The following PCCA variants were observed in gnomAD, a reference collection of about 807,000 sequenced individuals.
PCCA encodes propionyl-CoA carboxylase subunit alpha.
Under a neutral mutation model 101.3 loss-of-function variants are expected in PCCA, and 74 were observed. That is an observed-to-expected ratio of 0.73 (90% CI 0.61 to 0.89). PCCA has a LOEUF of 0.89. PCCA is among the 40% of genes least tolerant of loss of function. The pLI, the probability that PCCA is intolerant of heterozygous loss-of-function variation, is 0.00. For missense variants in PCCA, 891 were observed against 907.0 expected (o/e 0.98, Z 0.23); for synonymous variants, 294 against 313.6 (o/e 0.94, Z 0.66).
chr13:100,403,440 G>A (rs1165817930), intron 19 of PCCA, among the ~76,000 whole-genome samples: 2 of 152,278 alleles, frequency 1.3e-5, no homozygotes, highest in East Asian at 3.9e-4. Flanking sequence ...CTGCTTCTGG[G>A]GAGGTCTCAG....
rs151168198 is a variant in PCCA, at chr13:100,132,169, T to C, written c.300+20108T>C. The stretch of plus-strand genomic sequence containing the variant: ...GTTTGTTTTTTAAATTTTTAAAAAT[T>C]ATCCTATAGTAATAGGATACCCATC... On this transcript the variant is annotated intron_variant, in intron 4 of 23. Transcript: ENST00000376285. Among the ~76,000 whole-genome samples the C allele has an allele frequency of 5.3e-3, 786 of 148,338 alleles. 4 individuals carry two copies. Among genetic ancestry groups the C allele is most frequent in the African/African-American group, 0.019 (759 of 39,950 alleles).
At chr13:100,305,705 T>C (rs2066389781) in intron 14 of PCCA, 1 of 322,694 alleles carries the variant, frequency 3.1e-6, no homozygotes, top group Non-Finnish European at 6.3e-6. Flanking sequence ...AAAAGGTAGA[T>C]TGTGATTTTA....
chr13:100,209,514 T>C, intron 7 of PCCA, 51 bp downstream of exon 7: 1 of 1,511,562 alleles, frequency 6.6e-7, no homozygotes, highest in Non-Finnish European at 9.2e-7. Context: ...TTAAACATTT[T>C]GTCAAAAGTA....
At chr13:100,201,151 A>G (rs1048464593) in intron 6 of PCCA, among the ~76,000 whole-genome samples, 2 of 152,228 alleles carry the variant, frequency 1.3e-5, no homozygotes, top group Non-Finnish European at 2.9e-5. Flanking sequence ...AAGTTGTACT[A>G]TATCTATATT....
chr13:100,298,420 CT>C (rs1286948675), intron 12 of PCCA, among the ~76,000 whole-genome samples: 2 of 152,094 alleles, frequency 1.3e-5, no homozygotes, highest in Non-Finnish European at 2.9e-5. Context: ...ACACAGAAAC[CT>C]TTTCCCCCCA....
rs1595156115 is a variant in PCCA at position 100,292,965 on chromosome 13, T to TC, written c.1066-8495_1066-8494insC. On this transcript the variant is annotated intron_variant, in intron 12 of 23. Transcript: ENST00000376285. ...TGTGTGTGTGTGTGTGTGTGTCTGT[T>TC]TGTGTGTGTGTAATTAATAATTTCC... 2.1e-4 allele frequency among the ~76,000 whole-genome samples: 11 copies of TC among 53,328 alleles called. No homozygotes were observed. In the South Asian group the frequency reaches 4.4e-3, roughly 21 times the overall value. 35.0% of individuals were successfully genotyped at this position (53,328 alleles called of 152,430 possible).
chr13:100,459,488 C>T (rs749212895), intron 21 of PCCA, among the ~76,000 whole-genome samples: 13 of 152,156 alleles, frequency 8.5e-5, no homozygotes, highest in Non-Finnish European at 1.9e-4. Context: ...GACTGCAGTT[C>T]GTACCCCATA....
intron 21 of PCCA, among the ~76,000 whole-genome samples, chr13:100,494,191 A>T (rs1395989013): frequency 6.6e-6 from 1 of 151,970 alleles, no homozygotes; most frequent in African/African-American, 2.4e-5. Flanking sequence ...TGTCTCAAAA[A>T]ATAAATAAAT....
intron 19 of PCCA, among the ~76,000 whole-genome samples, chr13:100,413,780 A>G (rs570976273): frequency 6.6e-6 from 1 of 152,330 alleles, no homozygotes; most frequent in South Asian, 2.1e-4. Flanking sequence ...TACTGCATAG[A>G]AACACAGGAT....
intron 20 of PCCA, among the ~76,000 whole-genome samples, chr13:100,440,757 ACT>A (rs2080312572): frequency 6.6e-6 from 1 of 151,936 alleles, no homozygotes; most frequent in South Asian, 2.1e-4. Context: ...GTGACATGAC[ACT>A]CTCAGGATAT....
chr13:100,434,880 C>G (rs369034079), intron 20 of PCCA, among the ~76,000 whole-genome samples: 1 of 152,180 alleles, frequency 6.6e-6, no homozygotes, highest in East Asian at 1.9e-4. Flanking sequence ...CTTAAGAATT[C>G]GACCTCCTCA....
intron 7 of PCCA, among the ~76,000 whole-genome samples, chr13:100,212,875 C>T (rs2059301002): frequency 6.6e-6 from 1 of 151,844 alleles, no homozygotes; most frequent in African/African-American, 2.4e-5. Context: ...TCACCCACCC[C>T]CACTCCTCCC....
chr13:100,163,790 A>T (rs2054739430), intron 6 of PCCA, among the ~76,000 whole-genome samples: 1 of 152,042 alleles, frequency 6.6e-6, no homozygotes, highest in Non-Finnish European at 1.5e-5. Context: ...GTTTTCTCTC[A>T]GTCTCCCCTT....
intron 18 of PCCA, among the ~76,000 whole-genome samples, chr13:100,350,277 T>C (rs978218514): frequency 1.3e-5 from 2 of 152,148 alleles, no homozygotes; most frequent in African/African-American, 4.8e-5. Context: ...TCATAACTCG[T>C]TTCATACTCT....
chr13:100,496,990 T>G (rs2085323695), intron 21 of PCCA, among the ~76,000 whole-genome samples: 1 of 152,222 alleles, frequency 6.6e-6, no homozygotes, highest in Admixed American at 6.5e-5. Context: ...AATCCCAGTA[T>G]GGCAGTACAA....
At chr13:100,357,340 A>G (rs1380204015) in intron 18 of PCCA, among the ~76,000 whole-genome samples, 2 of 152,218 alleles carry the variant, frequency 1.3e-5, no homozygotes, top group Non-Finnish European at 2.9e-5. Context: ...GGAGTCTTTG[A>G]GAATATTTCT....
At position 100,215,200 on chromosome 13, in the gene PCCA, T is replaced by A. The variant is rs546102661; in HGVS notation, c.600+5737T>A. 3.9e-5 allele frequency among the ~76,000 whole-genome samples: 6 copies of A among 152,348 alleles called. No homozygotes were observed. In the East Asian group the frequency reaches 1.2e-3, roughly 29 times the overall value. On this transcript the variant is annotated intron_variant, in intron 7 of 23. Coordinates refer to ENST00000376285, the MANE Select transcript of PCCA (RefSeq NM_000282.4). ...ACTGTCTTCATTAGATTAGGCTCTC[T>A]GCTGTATTTTTCCTTAGGACCCTAC...
At chr13:100,407,210 C>A (rs1000733434) in intron 19 of PCCA, among the ~76,000 whole-genome samples, 1 of 150,758 alleles carries the variant, frequency 6.6e-6, no homozygotes, top group African/African-American at 2.4e-5. Flanking sequence ...AAAAATATAA[C>A]CTAAAGAAGA....
chr13:100,207,090 T>C (rs2058903273), intron 6 of PCCA, among the ~76,000 whole-genome samples: 1 of 152,184 alleles, frequency 6.6e-6, no homozygotes, highest in Non-Finnish European at 1.5e-5. Flanking sequence ...TGTATGCTTG[T>C]TTTTTTGGTA....
Sources: gnomAD v4.1 joint callset for allele counts (sites outside exome capture counted in the v4.1 genomes callset) on GRCh38, gnomAD v4.1.1 for gene constraint, MANE v1.5 for transcripts, NCBI Gene and HGNC (gene_info 2026-07-23, HGNC 2026-07-21) for gene names.